NBAS: variants seen among roughly 807,000 people sequenced by gnomAD.
The protein encoded by NBAS is NAG/BC035112 fusion.
Under a neutral mutation model 302.5 loss-of-function variants are expected in NBAS, and 219 were observed. That is an observed-to-expected ratio of 0.72 (90% confidence interval 0.65 to 0.81). The LOEUF (loss-of-function observed/expected upper bound fraction) is 0.81, where lower values mean the gene tolerates loss of function less well. NBAS is among the 30% of genes least tolerant of loss of function. NBAS has a pLI of 0.00. For synonymous variants in NBAS, 1,118 were observed against 1,021.6 expected, an observed-to-expected ratio of 1.09 and a Z score of -1.80; for missense variants, 2,932 against 2,841.6, an observed-to-expected ratio of 1.03 and a Z score of -0.72.
chr2:15,383,284 C>A lies in NBAS; in HGVS notation c.3291G>T (p.Thr1097=). The change falls in exon 29 of 52, where the codon ACG becomes ACT. Residue 1097 remains threonine (T), a synonymous_variant. Coordinates refer to ENST00000281513, the MANE Select transcript of NBAS (RefSeq NM_015909.4). The part of the protein sequence containing the change: ...QPPVSESHWR[T]LLQDMLTMQQ... ...GCATAGTTAACATGTCTTGCAGCAA[C>A]GTTCTCCAATGAGACTCACTGACAG... The A allele has an allele frequency of 6.2e-7, 1 of 1,613,948 alleles. No homozygotes were observed. The highest frequency in any genetic ancestry group is 1.3e-5 in the African/African-American group (1 of 75,002).
At chr2:15,131,608 T>G in the NBAS span, among the ~76,000 whole-genome samples, 1 of 152,208 alleles carries the variant, frequency 6.6e-6, no homozygotes, top group African/African-American at 2.4e-5. Flanking sequence ...ATTTTATTAT[T>G]ATTATACTTT....
the NBAS span, among the ~76,000 whole-genome samples, chr2:14,844,137 A>G: frequency 6.6e-6 from 1 of 152,124 alleles, no homozygotes; most frequent in Middle Eastern, 3.2e-3. Flanking sequence ...GACTACAAAG[A>G]AGATACCTTT....
At chr2:15,527,320 C>T (rs1174768277) in intron 9 of NBAS, among the ~76,000 whole-genome samples, 2 of 152,146 alleles carry the variant, frequency 1.3e-5, no homozygotes, top group African/African-American at 4.8e-5. Flanking sequence ...AGCTGATAGT[C>T]TAATTGGAGA....
rs1337917458 is a variant in NBAS at position 15,370,795 on chromosome 2, T to C, written c.3703+3813A>G. Among the ~76,000 whole-genome samples, 3 of 152,230 alleles carry C rather than the reference T, an allele frequency of 2.0e-5. No individual in the cohort carries two copies. In the East Asian group the frequency reaches 5.8e-4, roughly 29 times the overall value. On this transcript the variant is annotated intron_variant, in intron 31 of 51. Coordinates refer to ENST00000281513, the MANE Select transcript of NBAS (RefSeq NM_015909.4). Reference sequence around the variant, plus strand: ...ATCCAATGCCTGTACCCCTATTGTATCTTGGAAGTAACTAACTTTTGATTT... The same window carrying C: ...ATCCAATGCCTGTACCCCTATTGTACCTTGGAAGTAACTAACTTTTGATTT...
chr2:15,332,366 T>C (rs1007959157), intron 35 of NBAS, among the ~76,000 whole-genome samples: 2 of 152,178 alleles, frequency 1.3e-5, no homozygotes, highest in Non-Finnish European at 2.9e-5. Flanking sequence ...TTTGTGGTAA[T>C]ATACAACAGC....
chr2:15,161,214 C>G, the NBAS span, among the ~76,000 whole-genome samples: 5 of 152,168 alleles, frequency 3.3e-5, no homozygotes, highest in Admixed American at 6.5e-5. Context: ...GTGGGGGATA[C>G]TATCTGTTTC....
At chr2:15,453,327 AT>A (rs1172395663) in intron 21 of NBAS, among the ~76,000 whole-genome samples, 1 of 152,232 alleles carries the variant, frequency 6.6e-6, no homozygotes, top group Non-Finnish European at 1.5e-5. Flanking sequence ...TGCCAACAGG[AT>A]TGTCATACAA....
intron 40 of NBAS, among the ~76,000 whole-genome samples, chr2:15,305,713 T>C (rs539586410): frequency 1.3e-4 from 20 of 152,206 alleles, no homozygotes; most frequent in African/African-American, 4.8e-4. Flanking sequence ...TCCCAAAGTG[T>C]TGTGATTACA....
intron 29 of NBAS, among the ~76,000 whole-genome samples, chr2:15,381,481 G>A (rs115141345): frequency 0.012 from 1,861 of 152,190 alleles, 34 homozygotes; most frequent in African/African-American, 0.043. Flanking sequence ...TAATAAAAAC[G>A]TGTTAAAATA....
At chr2:15,278,357 A>G (rs1222640367) in intron 42 of NBAS, among the ~76,000 whole-genome samples, 1 of 152,174 alleles carries the variant, frequency 6.6e-6, no homozygotes, top group Non-Finnish European at 1.5e-5. Context: ...CCAGTCTATA[A>G]AAATTTCTCT....
intron 38 of NBAS, among the ~76,000 whole-genome samples, chr2:15,324,048 G>A (rs1331949279): frequency 4.6e-5 from 7 of 152,106 alleles, no homozygotes; most frequent in Non-Finnish European, 7.4e-5. Context: ...TAATTGGATC[G>A]AGTAAAGGGC....
chr2:14,819,071 A>G, the NBAS span, among the ~76,000 whole-genome samples: 1 of 152,176 alleles, frequency 6.6e-6, no homozygotes, highest in Non-Finnish European at 1.5e-5. Context: ...TCCCTCTGTC[A>G]TAACCCTCTT....
chr2:15,351,479 C>A (rs760696495), intron 35 of NBAS, among the ~76,000 whole-genome samples: 1 of 151,960 alleles, frequency 6.6e-6, no homozygotes, highest in East Asian at 1.9e-4. Flanking sequence ...GAGTTCGAGA[C>A]GAGCCTGGCC....
intron 10 of NBAS, among the ~76,000 whole-genome samples, chr2:15,508,475 C>G (rs189132580): frequency 2.6e-5 from 4 of 152,336 alleles, no homozygotes; most frequent in Non-Finnish European, 5.9e-5. Flanking sequence ...TACCCACGTT[C>G]TCTCCTTATA....
the NBAS span, among the ~76,000 whole-genome samples, chr2:15,049,009 T>C: frequency 6.6e-6 from 1 of 152,142 alleles, no homozygotes; most frequent in Non-Finnish European, 1.5e-5. Flanking sequence ...GCACCTACAT[T>C]GAATCTCCAA....
At position 15,379,719 on chromosome 2, in the gene NBAS, T is replaced by C; in HGVS notation, c.3473A>G (p.Lys1158Arg). ...SENPPAGIAH[K>R]GKPHYRVSYE... ...GCTGACCCTGTAGTGGGGTTTCCCTTTATGGGCTATACCAGCTGGAGGATT... is the reference window on the plus strand; with the variant it reads ...GCTGACCCTGTAGTGGGGTTTCCCTCTATGGGCTATACCAGCTGGAGGATT... Residue 1158 changes from lysine (K) to arginine (R), a missense_variant, in exon 30 of 52, where the codon AAA becomes AGA. Lys to Arg is a conservative substitution (Grantham distance 26). Coordinates refer to ENST00000281513, the MANE Select transcript of NBAS (RefSeq NM_015909.4). The C allele has an allele frequency of 6.2e-7, 1 of 1,614,040 alleles. No homozygotes were observed. The highest frequency in any genetic ancestry group is 8.5e-7 in the Non-Finnish European group (1 of 1,179,990).
chr2:15,042,335 C>A, the NBAS span, among the ~76,000 whole-genome samples: 1 of 152,130 alleles, frequency 6.6e-6, no homozygotes, highest in African/African-American at 2.4e-5. Context: ...GCAGTAATGA[C>A]CATAATTTAG....
the NBAS span, among the ~76,000 whole-genome samples, chr2:15,112,547 C>T: frequency 2.0e-5 from 3 of 152,054 alleles, no homozygotes; most frequent in African/African-American, 7.2e-5. Context: ...TGCAAAACTG[C>T]ATATTGAAAG....
At chr2:14,929,922 T>C in the NBAS span, among the ~76,000 whole-genome samples, 2 of 152,192 alleles carry the variant, frequency 1.3e-5, no homozygotes, top group East Asian at 3.9e-4. Flanking sequence ...TCCCCCTTGC[T>C]GTTCTTGTGA....
Sources: allele counts gnomAD v4.1 joint callset (sites outside exome capture counted in the v4.1 genomes callset), GRCh38; gene constraint gnomAD v4.1.1; transcripts MANE v1.5; gene names NCBI Gene and HGNC (gene_info 2026-07-23, HGNC 2026-07-21).